The following RYR2 variants were observed in gnomAD, a reference collection of about 807,000 sequenced individuals.
RYR2 encodes cardiac muscle ryanodine receptor-calcium release channel.
In RYR2, 227 loss-of-function variants were observed where a neutral mutation model predicts 601.1. The observed-to-expected ratio is 0.38, with a 90% confidence interval of 0.34 to 0.42. The LOEUF (loss-of-function observed/expected upper bound fraction) is 0.42. Ranked by LOEUF, RYR2 falls within the 10% of genes least tolerant of loss-of-function variation. The pLI is 1.00. For missense variants in RYR2, 4,646 were observed against 6,156.5 expected (o/e 0.75, Z 8.21); for synonymous variants, 2,223 against 2,175.1 (o/e 1.02, Z -0.61).
chr1:237,739,680 TTA>T (rs1691446716), intron 79 of RYR2, among the ~76,000 whole-genome samples: 1 of 152,216 alleles, frequency 6.6e-6, no homozygotes, highest in African/African-American at 2.4e-5. Flanking sequence ...GGTCACATTC[TTA>T]TGAGTTTCTC....
At chr1:237,354,866 G>A (rs899511774) in intron 3 of RYR2, among the ~76,000 whole-genome samples, 1 of 152,082 alleles carries the variant, frequency 6.6e-6, no homozygotes, top group Non-Finnish European at 1.5e-5. Context: ...ACAAAAGAAG[G>A]CAAAATGCTC....
intron 63 of RYR2, among the ~76,000 whole-genome samples, chr1:237,689,048 A>C (rs2148976600): frequency 6.6e-6 from 1 of 152,256 alleles, no homozygotes; most frequent in Middle Eastern, 3.4e-3. Context: ...GAATCACTTG[A>C]GGACAGGAGT....
At chr1:237,404,321 A>T (rs994377681) in intron 10 of RYR2, among the ~76,000 whole-genome samples, 1 of 152,200 alleles carries the variant, frequency 6.6e-6, no homozygotes, top group African/African-American at 2.4e-5. Flanking sequence ...AGGGGAAAGT[A>T]ACTTGAATTA....
At chr1:237,538,156 G>A (rs1019874249) in intron 25 of RYR2, among the ~76,000 whole-genome samples, 1 of 151,444 alleles carries the variant, frequency 6.6e-6, no homozygotes, top group South Asian at 2.1e-4. Context: ...TTGGGAAGTC[G>A]AGGTGGGCAG....
At chr1:237,072,552 G>A (rs1664492120) in intron 1 of RYR2, among the ~76,000 whole-genome samples, 1 of 152,034 alleles carries the variant, frequency 6.6e-6, no homozygotes, top group Admixed American at 6.6e-5. Context: ...AGCTGTGGGA[G>A]GTTTTCTAGA....
intron 24 of RYR2, among the ~76,000 whole-genome samples, chr1:237,513,802 TA>T (rs1465730926): frequency 6.6e-6 from 1 of 152,220 alleles, no homozygotes; most frequent in Non-Finnish European, 1.5e-5. Context: ...ATATACTCTA[TA>T]ATGTTCACAT....
intron 63 of RYR2, among the ~76,000 whole-genome samples, chr1:237,696,398 A>G (rs1165867680): frequency 6.6e-6 from 1 of 151,838 alleles, no homozygotes; most frequent in Non-Finnish European, 1.5e-5. Flanking sequence ...GCCTCCAAAC[A>G]CTGGAGGCCC....
At chr1:237,375,134 GT>G (rs1423942041) in intron 7 of RYR2, among the ~76,000 whole-genome samples, 1 of 152,134 alleles carries the variant, frequency 6.6e-6, no homozygotes, top group Non-Finnish European at 1.5e-5. Context: ...TCTCAAAAAT[GT>G]TTTTAAGTCT....
At chr1:237,502,219 C>G (rs759125490) in intron 21 of RYR2, among the ~76,000 whole-genome samples, 1 of 152,028 alleles carries the variant, frequency 6.6e-6, no homozygotes, top group Non-Finnish European at 1.5e-5. Context: ...AACCCGAGGG[C>G]CCCAGGAAAT....
intron 100 of RYR2, among the ~76,000 whole-genome samples, chr1:237,810,859 G>T (rs1200026703): frequency 6.6e-6 from 1 of 152,132 alleles, no homozygotes; most frequent in Non-Finnish European, 1.5e-5. Context: ...TCTTGGATCA[G>T]TAATGATAGG....
chr1:237,556,279 A>ATATTAT (rs57036969), intron 27 of RYR2, among the ~76,000 whole-genome samples: 3,024 of 142,864 alleles, frequency 0.021, 40 homozygotes, highest in East Asian at 0.059. Context: ...ATTTTTTAAA[A>ATATTAT]TATTATTATT....
chr1:237,591,927 C>T (rs540701761), intron 32 of RYR2, 74 bp downstream of exon 32: 20 of 948,044 alleles, frequency 2.1e-5, no homozygotes, highest in South Asian at 9.5e-5. Context: ...TAATACATAC[C>T]GATTCATCAT....
chr1:237,188,577 T>C (rs1572143107), intron 1 of RYR2, among the ~76,000 whole-genome samples: 2 of 152,298 alleles, frequency 1.3e-5, no homozygotes, highest in African/African-American at 4.8e-5. Context: ...TTTCTTTTTC[T>C]TTTTGAGATG....
intron 61 of RYR2, among the ~76,000 whole-genome samples, chr1:237,679,859 C>A (rs950625): frequency 2.0e-5 from 3 of 151,874 alleles, no homozygotes; most frequent in African/African-American, 4.8e-5. Flanking sequence ...GAGGGAATGG[C>A]GTGTACGAGG....
At chr1:237,229,097 A>C (rs1684701519) in intron 1 of RYR2, among the ~76,000 whole-genome samples, 1 of 151,046 alleles carries the variant, frequency 6.6e-6, no homozygotes. Flanking sequence ...GAGAGACTGC[A>C]GACCTAGCCC....
chr1:237,441,888 G>C (rs928473781), intron 13 of RYR2, among the ~76,000 whole-genome samples: 8 of 134,456 alleles, frequency 5.9e-5, no homozygotes, highest in African/African-American at 3.1e-4. Context: ...TAAGGAGGGG[G>C]CGGGGTCAGA....
intron 87 of RYR2, among the ~76,000 whole-genome samples, chr1:237,777,170 C>T (rs548463953): frequency 7.2e-5 from 11 of 152,260 alleles, no homozygotes; most frequent in South Asian, 6.2e-4. Flanking sequence ...GCTCAGCACA[C>T]GGAGAACCCC....
intron 32 of RYR2, 22 bp downstream of exon 32, chr1:237,591,875 CG>C: frequency 1.3e-6 from 2 of 1,565,746 alleles, no homozygotes; most frequent in Non-Finnish European, 1.8e-6. Flanking sequence ...CAGCTTTTGT[CG>C]TTTATTTCTA....
At chr1:237,579,831 C>T (rs1355838530) in intron 29 of RYR2, among the ~76,000 whole-genome samples, 2 of 152,208 alleles carry the variant, frequency 1.3e-5, no homozygotes, top group African/African-American at 4.8e-5. Flanking sequence ...CTCCAGATTC[C>T]CTTACAGAAT....
Sources: allele counts gnomAD v4.1 joint callset (sites outside exome capture counted in the v4.1 genomes callset), GRCh38; gene constraint gnomAD v4.1.1; transcripts MANE v1.5; gene names NCBI Gene and HGNC (gene_info 2026-07-23, HGNC 2026-07-21).